The following COLEC10 variants were observed in gnomAD, a reference collection of about 807,000 sequenced individuals.
The protein encoded by COLEC10 is collectin subfamily member 10.
COLEC10 carries 22 observed loss-of-function variants against 28.4 expected under a neutral mutation model. That is an observed-to-expected ratio of 0.78 (90% CI 0.55 to 1.11). The LOEUF (loss-of-function observed/expected upper bound fraction) is 1.11. Among genes scored for constraint, COLEC10 ranks in the 50% least tolerant of loss-of-function variants. The pLI is 0.00. For synonymous variants in COLEC10, 125 were observed against 116.1 expected (o/e 1.08, Z -0.49); for missense variants, 361 against 344.1 (o/e 1.05, Z -0.39).
At chr8:119,100,645 T>G (rs1022479265) in intron 3 of COLEC10, among the ~76,000 whole-genome samples, 1 of 152,184 alleles carries the variant, frequency 6.6e-6, no homozygotes, top group African/African-American at 2.4e-5. Flanking sequence ...ATAGCGAAGC[T>G]CAAATGCTAA....
intron 2 of COLEC10, among the ~76,000 whole-genome samples, chr8:119,048,709 C>T (rs1418662526): frequency 6.6e-6 from 1 of 151,998 alleles, no homozygotes; most frequent in Non-Finnish European, 1.5e-5. Flanking sequence ...ATCCATCCCC[C>T]GACTTGGAGC....
intron 2 of COLEC10, among the ~76,000 whole-genome samples, chr8:119,032,446 A>C (rs1814305516): frequency 1.3e-5 from 2 of 152,180 alleles, no homozygotes; most frequent in African/African-American, 4.8e-5. Context: ...AATCAGTGTG[A>C]TCTTTGGTTC....
At chr8:118,972,748 T>C in the COLEC10 span, among the ~76,000 whole-genome samples, 2 of 151,958 alleles carry the variant, frequency 1.3e-5, no homozygotes, top group African/African-American at 4.8e-5. Flanking sequence ...TAATCATTAC[T>C]GTACCCCTAC....
intron 2 of COLEC10, among the ~76,000 whole-genome samples, chr8:119,011,892 A>T (rs1263512274): frequency 1.3e-5 from 2 of 150,900 alleles, no homozygotes; most frequent in Admixed American, 1.3e-4. Flanking sequence ...AATGATCAGG[A>T]CATCTGCAAA....
intron 2 of COLEC10, among the ~76,000 whole-genome samples, chr8:119,018,759 A>T (rs1457996766): frequency 1.3e-5 from 2 of 152,210 alleles, no homozygotes; most frequent in Non-Finnish European, 2.9e-5. Flanking sequence ...GAAGTAAAGA[A>T]GTAATTGTCT....
intron 2 of COLEC10, among the ~76,000 whole-genome samples, chr8:119,034,950 G>A (rs937307576): frequency 3.3e-5 from 5 of 152,122 alleles, no homozygotes; most frequent in African/African-American, 4.8e-5. Flanking sequence ...TTAGTAAACG[G>A]CAACTAATCA....
At chr8:118,998,626 CAGG>C (rs1274051963) in intron 1 of COLEC10, among the ~76,000 whole-genome samples, 2 of 149,458 alleles carry the variant, frequency 1.3e-5, no homozygotes, top group African/African-American at 5.0e-5. Context: ...ATCACGAGGT[CAGG>C]AGATCAAGAC....
At chr8:118,987,412 A>G in the COLEC10 span, among the ~76,000 whole-genome samples, 1 of 152,052 alleles carries the variant, frequency 6.6e-6, no homozygotes, top group Non-Finnish European at 1.5e-5. Context: ...GAAAACACAA[A>G]CATTAGCCAG....
chr8:119,098,933 C>T (rs989983231), intron 3 of COLEC10, among the ~76,000 whole-genome samples: 23 of 152,054 alleles, frequency 1.5e-4, no homozygotes, highest in Non-Finnish European at 2.8e-4. Flanking sequence ...GAATATTTTA[C>T]TGACTCAGAT....
intron 2 of COLEC10, among the ~76,000 whole-genome samples, chr8:119,090,029 C>T (rs1017690671): frequency 6.6e-6 from 1 of 152,092 alleles, no homozygotes; most frequent in African/African-American, 2.4e-5. Context: ...ATTTAAGAAA[C>T]GATGTGTTAT....
In COLEC10 at chr8:119,089,756, C is replaced by A. The variant is rs772866594; in HGVS notation, c.220+5C>A. 10 of 1,610,722 alleles carry A rather than the reference C, an allele frequency of 6.2e-6. No individual in the cohort carries two copies. The highest frequency in any genetic ancestry group is 1.7e-5 in the Admixed American group (1 of 59,966). On this transcript the variant is annotated splice_donor_5th_base_variant and intron_variant, in intron 2 of 5. Coordinates refer to ENST00000332843, the MANE Select transcript of COLEC10 (RefSeq NM_006438.5). ...TGGGACGCATGGGGCCGAAAGGTAACTAAAATGATGTGAAACTGACATTTT... is the reference window on the plus strand; with the variant it reads ...TGGGACGCATGGGGCCGAAAGGTAAATAAAATGATGTGAAACTGACATTTT...
intron 2 of COLEC10, among the ~76,000 whole-genome samples, chr8:119,024,732 G>C (rs1316941994): frequency 6.6e-6 from 1 of 151,988 alleles, no homozygotes; most frequent in African/African-American, 2.4e-5. Flanking sequence ...ATTAAAGACT[G>C]GATACATTTT....
chr8:119,032,311 C>T (rs1455109896), intron 2 of COLEC10, among the ~76,000 whole-genome samples: 3 of 152,122 alleles, frequency 2.0e-5, no homozygotes, highest in African/African-American at 7.2e-5. Flanking sequence ...CTTTGCTATT[C>T]TACGGTTTTT....
intron 3 of COLEC10, among the ~76,000 whole-genome samples, chr8:119,094,164 A>G (rs577962666): frequency 1.3e-5 from 2 of 152,276 alleles, no homozygotes; most frequent in East Asian, 1.9e-4. Flanking sequence ...CATCATATCA[A>G]TGAGTCCCGG....
rs1815945721 is a variant in COLEC10, at chr8:119,106,443, C to T, written c.*252C>T. 2.6e-6 allele frequency: 1 copy of T among 387,788 alleles called. No homozygotes were observed. The highest frequency in any genetic ancestry group is 4.8e-6 in the Non-Finnish European group (1 of 210,260). The allele number at this position is 387,788 out of a possible 1,614,324, so 24.0% of individuals were successfully genotyped here. A position where few individuals can be genotyped will look rare whatever the true frequency, so the allele number is the denominator to read the frequency against. On this transcript the variant is annotated 3_prime_UTR_variant, in exon 6 of 6. Transcript: ENST00000332843. ...GAGAGAATTTTAATTACTAATTGTG[C>T]ACGAGATAGTTGGTTGTCTATATGT...
At chr8:119,091,736 C>T (rs1162084604) in intron 3 of COLEC10, among the ~76,000 whole-genome samples, 1 of 152,058 alleles carries the variant, frequency 6.6e-6, no homozygotes, top group Non-Finnish European at 1.5e-5. Flanking sequence ...TAGTTTGTCT[C>T]TTTCTTCCAT....
chr8:119,004,841 T>C (rs1813762713), intron 1 of COLEC10, among the ~76,000 whole-genome samples: 1 of 151,884 alleles, frequency 6.6e-6, no homozygotes, highest in East Asian at 1.9e-4. Context: ...TCCTCCAAAA[T>C]AGCTTTCAAG....
the COLEC10 span, among the ~76,000 whole-genome samples, chr8:118,989,564 C>CACACAT: frequency 2.1e-4 from 31 of 149,782 alleles, no homozygotes; most frequent in African/African-American, 7.2e-4. Context: ...CACACACACA[C>CACACAT]ACACACACAC....
At chr8:119,092,067 T>A (rs969566270) in intron 3 of COLEC10, among the ~76,000 whole-genome samples, 1 of 59,150 alleles carries the variant, frequency 1.7e-5, no homozygotes, top group Non-Finnish European at 3.0e-5. Context: ...CTTGTCCTAA[T>A]TTTTTTTTTT....
Sources: gnomAD v4.1 joint callset for allele counts (sites outside exome capture counted in the v4.1 genomes callset) on GRCh38, gnomAD v4.1.1 for gene constraint, MANE v1.5 for transcripts, NCBI Gene and HGNC (gene_info 2026-07-23, HGNC 2026-07-21) for gene names.